The following CELF4 variants were observed in gnomAD, a reference collection of about 807,000 sequenced individuals.
CELF4 encodes the protein CUGBP Elav-like family member 4.
A neutral mutation model predicts 59.9 loss-of-function variants in CELF4; 18 were observed. The observed-to-expected ratio is 0.30, with a 90% confidence interval of 0.21 to 0.45. CELF4 has a LOEUF of 0.45. CELF4 is among the 20% of genes least tolerant of loss of function. The probability of loss-of-function intolerance (pLI) is 1.00; values close to 1 mark genes in which losing one functional copy is unlikely to be tolerated. For missense variants in CELF4, 456 were observed against 689.0 expected, an observed-to-expected ratio of 0.66 and a Z score of 3.79; for synonymous variants, 261 against 267.1, an observed-to-expected ratio of 0.98 and a Z score of 0.22.
intron 10 of CELF4, among the ~76,000 whole-genome samples, chr18:37,259,753 A>G (rs1053400954): frequency 6.6e-6 from 1 of 152,070 alleles, no homozygotes; most frequent in Non-Finnish European, 1.5e-5. Context: ...AGACTCTGGG[A>G]TTGGGGTGCC....
At chr18:37,333,343 TC>T (rs2097626440) in intron 2 of CELF4, among the ~76,000 whole-genome samples, 1 of 111,870 alleles carries the variant, frequency 8.9e-6, no homozygotes, top group South Asian at 3.2e-4. Flanking sequence ...CTCCCTCCTC[TC>T]CCCCCTCTCC....
At chr18:37,540,899 C>T (rs2154605443) in intron 1 of CELF4, among the ~76,000 whole-genome samples, 1 of 152,040 alleles carries the variant, frequency 6.6e-6, no homozygotes, top group East Asian at 2.0e-4. Context: ...AAAGTGAGGG[C>T]TGGCAGTGTC....
At chr18:37,327,528 G>A (rs530244191) in intron 2 of CELF4, among the ~76,000 whole-genome samples, 1 of 152,236 alleles carries the variant, frequency 6.6e-6, no homozygotes, top group African/African-American at 2.4e-5. Flanking sequence ...GGAGGGGAAT[G>A]TCTTCACCTG....
intron 2 of CELF4, among the ~76,000 whole-genome samples, chr18:37,450,800 G>A (rs545792396): frequency 4.1e-4 from 63 of 152,246 alleles, no homozygotes; most frequent in Admixed American, 9.8e-4. Flanking sequence ...TCCTTGGGAC[G>A]TTCCTGGGTC....
intron 2 of CELF4, among the ~76,000 whole-genome samples, chr18:37,346,282 G>C (rs1156945442): frequency 6.6e-6 from 1 of 152,196 alleles, no homozygotes. Context: ...CATATCCCTT[G>C]GGAGGGGACA....
At chr18:37,537,885 G>A (rs908896364) in intron 1 of CELF4, among the ~76,000 whole-genome samples, 6 of 152,210 alleles carry the variant, frequency 3.9e-5, no homozygotes, top group Non-Finnish European at 8.8e-5. Flanking sequence ...CCTCCACATG[G>A]AAGCCGCGGA....
At chr18:37,538,625 T>C (rs2099975471) in intron 1 of CELF4, among the ~76,000 whole-genome samples, 1 of 152,220 alleles carries the variant, frequency 6.6e-6, no homozygotes, top group Non-Finnish European at 1.5e-5. Context: ...CTCAGGTGCC[T>C]CCTCTGCTCT....
intron 2 of CELF4, among the ~76,000 whole-genome samples, chr18:37,412,838 C>T (rs2099485417): frequency 6.6e-6 from 1 of 151,568 alleles, no homozygotes; most frequent in Admixed American, 6.6e-5. Flanking sequence ...GTTGACTGGA[C>T]TGAGCGGCTG....
intron 6 of CELF4, chr18:37,273,987 C>T: frequency 8.5e-7 from 1 of 1,178,220 alleles, no homozygotes; most frequent in East Asian, 6.0e-5. Context: ...ACCCTCTCAT[C>T]TGTGCTTCCT....
chr18:37,329,813 A>T (rs1312338773), intron 2 of CELF4, among the ~76,000 whole-genome samples: 2 of 152,248 alleles, frequency 1.3e-5, no homozygotes, highest in African/African-American at 4.8e-5. Flanking sequence ...GAAACCCAAG[A>T]GTAGGACTCT....
At chr18:37,505,202 T>A (rs948711295) in intron 1 of CELF4, among the ~76,000 whole-genome samples, 2 of 152,098 alleles carry the variant, frequency 1.3e-5, no homozygotes, top group Non-Finnish European at 2.9e-5. Flanking sequence ...TGAGGCCAGA[T>A]TGATGACCAA....
chr18:37,546,937 C>A (rs1237407911), intron 1 of CELF4, among the ~76,000 whole-genome samples: 3 of 152,158 alleles, frequency 2.0e-5, no homozygotes, highest in Non-Finnish European at 2.9e-5. Context: ...TCCTGTCCAG[C>A]ACATGTAGCT....
At chr18:37,395,645 G>C (rs762664747) in intron 2 of CELF4, among the ~76,000 whole-genome samples, 1 of 152,220 alleles carries the variant, frequency 6.6e-6, no homozygotes, top group Non-Finnish European at 1.5e-5. Context: ...CTGTCATCTT[G>C]TTTCTTGCCT....
At chr18:37,524,854 G>A (rs1369719259) in intron 1 of CELF4, among the ~76,000 whole-genome samples, 1 of 152,136 alleles carries the variant, frequency 6.6e-6, no homozygotes, top group East Asian at 1.9e-4. Flanking sequence ...CGCCCAGCAG[G>A]AGAATGGGGC....
At chr18:37,413,424 G>T (rs1463572475) in intron 2 of CELF4, among the ~76,000 whole-genome samples, 1 of 152,154 alleles carries the variant, frequency 6.6e-6, no homozygotes, top group Non-Finnish European at 1.5e-5. Flanking sequence ...ATGTTGTGGG[G>T]CATGTTGGAA....
At chr18:37,543,434 C>CA (rs2099979160) in intron 1 of CELF4, among the ~76,000 whole-genome samples, 1 of 152,156 alleles carries the variant, frequency 6.6e-6, no homozygotes, top group African/African-American at 2.4e-5. Flanking sequence ...TGGTGGGTGG[C>CA]AGGGGCTGAA....
chr18:37,559,969 C>T (rs1188821396), intron 1 of CELF4, among the ~76,000 whole-genome samples: 1 of 152,028 alleles, frequency 6.6e-6, no homozygotes, highest in East Asian at 1.9e-4. Flanking sequence ...TTTTCCTTTG[C>T]GTTGTTTTAT....
At chr18:37,304,668 G>C (rs2154471743) in intron 3 of CELF4, among the ~76,000 whole-genome samples, 1 of 152,380 alleles carries the variant, frequency 6.6e-6, no homozygotes, top group African/African-American at 2.4e-5. Context: ...GCTCAGCAGA[G>C]CTCTGGAGGT....
chr18:37,268,631 G>A (rs1249571926), intron 8 of CELF4, among the ~76,000 whole-genome samples: 1 of 152,222 alleles, frequency 6.6e-6, no homozygotes, highest in Non-Finnish European at 1.5e-5. Flanking sequence ...CCCTTCAAGG[G>A]TGTTTATGTG....
Sources: allele counts gnomAD v4.1 joint callset (sites outside exome capture counted in the v4.1 genomes callset), GRCh38; gene constraint gnomAD v4.1.1; transcripts MANE v1.5; gene names NCBI Gene and HGNC (gene_info 2026-07-23, HGNC 2026-07-21).